Variants in NCAPD3 observed in about 807,000 individuals in gnomAD.
The protein encoded by NCAPD3 is condensin-2 complex subunit D3.
Under a neutral mutation model 182.9 loss-of-function variants are expected in NCAPD3, and 105 were observed. That is an observed-to-expected ratio of 0.57 (90% CI 0.49 to 0.68). The LOEUF (loss-of-function observed/expected upper bound fraction) is 0.68, where lower values mean the gene tolerates loss of function less well. Among genes scored for constraint, NCAPD3 ranks in the 30% least tolerant of loss-of-function variants. The pLI, the probability that NCAPD3 is intolerant of heterozygous loss-of-function variation, is 0.00. For synonymous variants in NCAPD3, 815 were observed against 679.9 expected (o/e 1.20, Z -3.09); for missense variants, 1,944 against 1,837.0 (o/e 1.06, Z -1.07).
intron 25 of NCAPD3, 116 bp from the exon 26 acceptor site, chr11:134,168,718 A>G (rs1473442292): frequency 1.1e-5 from 16 of 1,441,704 alleles, no homozygotes; most frequent in Non-Finnish European, 1.5e-5. Flanking sequence ...TGCACTACAG[A>G]GATCCCAGTG....
chr11:134,192,567 A>G (rs1206161300), intron 16 of NCAPD3, 122 bp downstream of exon 16: 1 of 789,630 alleles, frequency 1.3e-6, no homozygotes, highest in Non-Finnish European at 2.0e-6. Flanking sequence ...ACCAATACTT[A>G]ATCTTCACAT....
Position 134,151,229 on chromosome 11 carries a change from T to A in NCAPD3, c.*1715A>T, listed in dbSNP as rs767133767. 1.3e-5 allele frequency: 2 copies of A among 152,242 alleles called. No individual in the cohort carries two copies. Among genetic ancestry groups the A allele is most frequent in the Admixed American group, 1.3e-4 (2 of 15,290 alleles). 9.4% of individuals were successfully genotyped at this position (152,242 alleles called of 1,614,324 possible). A position where few individuals can be genotyped will look rare whatever the true frequency, so the allele number is the denominator to read the frequency against. ...CATACATGAGACTGTGTTGACTTTTTTTAGTTATGTGAAACACTTTGCCGC... is the reference window on the plus strand; with the variant it reads ...CATACATGAGACTGTGTTGACTTTTATTAGTTATGTGAAACACTTTGCCGC... On this transcript the variant is annotated 3_prime_UTR_variant, in exon 35 of 35. Transcript: ENST00000534548.
intron 2 of NCAPD3, among the ~76,000 whole-genome samples, chr11:134,218,933 C>A (rs1938125411): frequency 6.6e-6 from 1 of 152,136 alleles, no homozygotes; most frequent in South Asian, 2.1e-4. Context: ...CTATCTATTG[C>A]CCACTGTAAC....
chr11:134,157,790 A>G, intron 31 of NCAPD3, 138 bp downstream of exon 31: 1 of 983,970 alleles, frequency 1.0e-6, no homozygotes. Context: ...TTTACTACCC[A>G]TGATCCTAAA....
chr11:134,199,999 AG>A (rs945097024), intron 13 of NCAPD3, among the ~76,000 whole-genome samples: 3 of 152,224 alleles, frequency 2.0e-5, no homozygotes, highest in African/African-American at 7.2e-5. Context: ...TCACAGGTGA[AG>A]GAACAGGCTG....
At chr11:134,205,133 T>C (rs1944824349) in intron 8 of NCAPD3, among the ~76,000 whole-genome samples, 162 bp from the exon 9 acceptor site, 2 of 152,236 alleles carry the variant, frequency 1.3e-5, no homozygotes, top group Admixed American at 1.3e-4. Flanking sequence ...AATGTCATCG[T>C]AGAAAACTGT....
At chr11:134,169,086 C>T (rs1380772171) in intron 24 of NCAPD3, 32 bp from the exon 25 acceptor site, 1 of 1,603,086 alleles carries the variant, frequency 6.2e-7, no homozygotes, top group Non-Finnish European at 8.5e-7. Flanking sequence ...AGAGGGAGAC[C>T]CATTTGCTAT....
At chr11:134,206,977 C>A (rs1158133418) in intron 7 of NCAPD3, among the ~76,000 whole-genome samples, 3 of 152,180 alleles carry the variant, frequency 2.0e-5, no homozygotes, top group Admixed American at 6.5e-5. Flanking sequence ...TACCTAGTTT[C>A]TCTCCCCACC....
chr11:134,204,308 T>C lies in NCAPD3; in HGVS notation c.1090-137A>G. ...AAATGTTACGTAAATGACTAATAAA[T>C]TTTAGGTTTTAGAACACTTCAAAAC... On this transcript the variant is annotated intron_variant, in intron 9 of 34. Coordinates refer to ENST00000534548, the MANE Select transcript of NCAPD3 (RefSeq NM_015261.3). The surrounding 1 kb of genome is among the most constrained non-coding windows in gnomAD (Gnocchi z 4.3). 1 of 952,770 alleles carries C rather than the reference T, an allele frequency of 1.0e-6. No homozygotes were observed. The highest frequency in any genetic ancestry group is 2.0e-5 in the South Asian group (1 of 50,808). The allele number at this position is 952,770 out of a possible 1,614,324, so 59.0% of individuals were successfully genotyped here. A position where few individuals can be genotyped will look rare whatever the true frequency, so the allele number is the denominator to read the frequency against.
chr11:134,167,593 G>C (rs537863498), intron 27 of NCAPD3, among the ~76,000 whole-genome samples: 1,193 of 86,978 alleles, frequency 0.014, 42 homozygotes, highest in African/African-American at 0.057. Flanking sequence ...TTGGGGGAGG[G>C]GCACACTCAC....
At chr11:134,153,803 T>TA (rs1943335380) in intron 32 of NCAPD3, 1 of 208,946 alleles carries the variant, frequency 4.8e-6, no homozygotes, top group Non-Finnish European at 9.8e-6. Flanking sequence ...GCGCTGGAAA[T>TA]ATGGCACCGT....
Position 134,184,963 on chromosome 11 carries a change from G to T in NCAPD3, c.2275C>A (p.Leu759Ile). ...NPNSNTLGHILCVIGHIAKHL... is the reference protein window; with the variant it reads ...NPNSNTLGHIICVIGHIAKHL... ...TTTGCAATATGCCCAATCACACAGA[G>T]AATATGTCCTAAGGTGTTTGAATTG... The change falls in exon 18 of 35, where the codon CTC becomes ATC. Residue 759 changes from leucine (L) to isoleucine (I), a missense_variant. Physicochemically the swap from Leu to Ile is conservative, Grantham distance 5 (BLOSUM62 2). Coordinates refer to ENST00000534548, the MANE Select transcript of NCAPD3 (RefSeq NM_015261.3). The T allele has an allele frequency of 1.9e-6, 3 of 1,613,862 alleles. No individual in the cohort carries two copies. The highest frequency in any genetic ancestry group is 1.1e-5 in the South Asian group (1 of 91,066).
chr11:134,207,969 G>A (rs553276157), intron 7 of NCAPD3, among the ~76,000 whole-genome samples: 6 of 152,196 alleles, frequency 3.9e-5, no homozygotes, highest in Admixed American at 1.3e-4. Flanking sequence ...CTCGGTAGGC[G>A]GCCTGCTCAA....
In NCAPD3 at chr11:134,152,815, A is replaced by AG; in HGVS notation, c.*128dup. 1.4e-6 allele frequency: 1 copy of AG among 694,632 alleles called. No homozygotes were observed. Among genetic ancestry groups the AG allele is most frequent in the South Asian group, 2.0e-5 (1 of 49,008 alleles). 43.0% of individuals were successfully genotyped at this position (694,632 alleles called of 1,614,324 possible). On this transcript the variant is annotated 3_prime_UTR_variant, in exon 35 of 35. Coordinates refer to ENST00000534548, the MANE Select transcript of NCAPD3 (RefSeq NM_015261.3). The stretch of plus-strand genomic sequence containing the variant: ...GGTGAGTGCCAGGCCCCTGAGGAGG[A>AG]GCTCTCGTGTTCCACAGCAAAGCGC...
chr11:134,169,085 C>A (rs1237374479), intron 24 of NCAPD3, 31 bp from the exon 25 acceptor site: 11 of 1,604,144 alleles, frequency 6.9e-6, no homozygotes, highest in South Asian at 1.1e-5. Context: ...AAGAGGGAGA[C>A]CCATTTGCTA....
chr11:134,164,410 T>C (rs632951), intron 27 of NCAPD3, among the ~76,000 whole-genome samples: 68,519 of 152,030 alleles, frequency 0.45, 18,144 homozygotes, highest in African/African-American at 0.75. Flanking sequence ...AATGCTGGAG[T>C]GGGAAACAGG....
intron 24 of NCAPD3, among the ~76,000 whole-genome samples, chr11:134,173,843 C>G (rs530708756): frequency 1.3e-4 from 20 of 152,102 alleles, no homozygotes; most frequent in African/African-American, 4.3e-4. Flanking sequence ...CGCCTGTGAT[C>G]CCAGCTACTC....
At chr11:134,158,579 G>A in intron 29 of NCAPD3, 84 bp from the exon 30 acceptor site, 2 of 1,414,262 alleles carry the variant, frequency 1.4e-6, no homozygotes, top group Non-Finnish European at 1.9e-6. Flanking sequence ...ACATGGTTGG[G>A]GGTCCATATG....
At chr11:134,213,777 G>A (rs1937925134) in intron 3 of NCAPD3, among the ~76,000 whole-genome samples, 3 of 152,252 alleles carry the variant, frequency 2.0e-5, no homozygotes, top group Admixed American at 2.0e-4. Context: ...AACTATAGTG[G>A]CTATCTTAGT....
Sources: allele counts gnomAD v4.1 joint callset (sites outside exome capture counted in the v4.1 genomes callset), GRCh38; gene constraint gnomAD v4.1.1; non-coding constraint Gnocchi (gnomAD v3.1); transcripts MANE v1.5; gene names NCBI Gene and HGNC (gene_info 2026-07-23, HGNC 2026-07-21).